ACER3: variants seen among roughly 807,000 people sequenced by gnomAD.
ACER3 encodes alkCDase 3.
Under a neutral mutation model 48.9 loss-of-function variants are expected in ACER3, and 16 were observed. The ratio of observed to expected loss-of-function variants is 0.33; its 90% CI spans 0.22 to 0.50. ACER3 has a LOEUF of 0.50. Among genes scored for constraint, ACER3 ranks in the 20% least tolerant of loss-of-function variants. ACER3 has a pLI of 0.98. For missense variants in ACER3, 227 were observed against 326.0 expected, an observed-to-expected ratio of 0.70 and a Z score of 2.34; for synonymous variants, 109 against 107.8, an observed-to-expected ratio of 1.01 and a Z score of -0.07.
At chr11:76,979,787 C>A (rs1460956567) in intron 4 of ACER3, among the ~76,000 whole-genome samples, 1 of 151,770 alleles carries the variant, frequency 6.6e-6, no homozygotes, top group Non-Finnish European at 1.5e-5. Context: ...TTGGAAGCTG[C>A]CACAGATAAT....
intron 6 of ACER3, among the ~76,000 whole-genome samples, chr11:76,992,310 A>G (rs972554754): frequency 2.0e-5 from 3 of 152,216 alleles, no homozygotes; most frequent in Non-Finnish European, 4.4e-5. Flanking sequence ...AAAAATAATG[A>G]CCACAAAAAT....
chr11:76,961,906 A>T (rs1948004266), intron 3 of ACER3, among the ~76,000 whole-genome samples: 1 of 150,502 alleles, frequency 6.6e-6, no homozygotes, highest in African/African-American at 2.5e-5. Context: ...AAGGGGAGAA[A>T]GAATACCTTT....
intron 2 of ACER3, among the ~76,000 whole-genome samples, chr11:76,930,179 C>T (rs1239539623): frequency 6.6e-6 from 1 of 152,294 alleles, no homozygotes; most frequent in East Asian, 1.9e-4. Context: ...CAGGTTCTTC[C>T]TGGTTTAGTC....
At chr11:76,863,235 A>G (rs1273340863) in intron 1 of ACER3, among the ~76,000 whole-genome samples, 1 of 152,210 alleles carries the variant, frequency 6.6e-6, no homozygotes, top group Non-Finnish European at 1.5e-5. Flanking sequence ...TACAAAAAAA[A>G]TATAAAAAAT....
intron 2 of ACER3, among the ~76,000 whole-genome samples, chr11:76,933,936 C>T (rs1274446448): frequency 3.9e-5 from 6 of 151,964 alleles, no homozygotes; most frequent in Non-Finnish European, 5.9e-5. Flanking sequence ...TTAGTCGGGG[C>T]GGCCGGGCAG....
Position 77,020,307 on chromosome 11 carries a change from G to C in ACER3, c.784G>C (p.Glu262Gln), listed in dbSNP as rs782533438. The C allele has an allele frequency of 1.2e-6, 2 of 1,613,632 alleles. No individual in the cohort carries two copies. Among genetic ancestry groups the C allele is most frequent in the Non-Finnish European group, 1.7e-6 (2 of 1,179,910 alleles). ...LFGIWPVILF[E>Q]PLRKH is the part of the protein sequence containing the mutation. ...TGGAATCTGGCCAGTGATCCTGTTT[G>C]AGCCTCTCAGGAAGCATTGATGAAT... Residue 262 changes from glutamate to glutamine, a missense_variant, in exon 11 of 11, where the codon GAG (glutamate) becomes CAG (glutamine). Physicochemically the swap from Glu to Gln is conservative, Grantham distance 29. This residue lies in a region of ACER3 where 5 missense variants were observed against 17.1 expected (regional missense o/e 0.29). Coordinates refer to ENST00000532485, the MANE Select transcript of ACER3 (RefSeq NM_018367.7).
intron 2 of ACER3, among the ~76,000 whole-genome samples, chr11:76,946,049 A>G (rs924538994): frequency 1.3e-5 from 2 of 152,152 alleles, no homozygotes; most frequent in African/African-American, 4.8e-5. Context: ...GGGGCCTGTG[A>G]CCAGGGAGGG....
chr11:76,866,492 G>A (rs1431705444), intron 1 of ACER3, among the ~76,000 whole-genome samples: 1 of 152,196 alleles, frequency 6.6e-6, no homozygotes, highest in Non-Finnish European at 1.5e-5. Flanking sequence ...ATACTGATTT[G>A]TGGACTTAAG....
rs117386679 is a variant in ACER3, at chr11:76,938,586, T to G, written c.214+11919T>G. Among the ~76,000 whole-genome samples the G allele has an allele frequency of 9.7e-3, 1,479 of 152,258 alleles. 19 individuals carry two copies. The highest frequency in any genetic ancestry group is 0.031 in the Middle Eastern group (9 of 294). Reference sequence around the variant, plus strand: ...TTCATGCTTCAGCCTCCCAATGTGTTCAGATTACAGGTGTGAGCCAGCATG... The same window carrying G: ...TTCATGCTTCAGCCTCCCAATGTGTGCAGATTACAGGTGTGAGCCAGCATG... On this transcript the variant is annotated intron_variant, in intron 2 of 10. Coordinates refer to ENST00000532485, the MANE Select transcript of ACER3 (RefSeq NM_018367.7).
intron 2 of ACER3, among the ~76,000 whole-genome samples, chr11:76,934,024 A>G (rs2134870954): frequency 6.7e-6 from 1 of 149,524 alleles, no homozygotes; most frequent in South Asian, 2.1e-4. Flanking sequence ...GGCGGGGCAG[A>G]GGCACTCCCC....
rs760844035 is a variant in ACER3 at position 76,926,589 on chromosome 11, C to T, written c.136C>T (p.Pro46Ser). 3 of 1,608,394 alleles carry T rather than the reference C, an allele frequency of 1.9e-6. No homozygotes were observed. The highest frequency in any genetic ancestry group is 2.7e-5 in the African/African-American group (2 of 74,834). ...NTVSNLIMIIPPMFGAVQSVR... is the reference protein window; with the variant it reads ...NTVSNLIMIISPMFGAVQSVR... The stretch of plus-strand genomic sequence containing the variant: ...AGTGAGTAACCTGATCATGATTATA[C>T]CTCCAATGTTCGGTGCAGTTCAGAG... The change falls in exon 2 of 11, where the codon CCT becomes TCT. Residue 46 changes from proline (P) to serine (S), a missense_variant. Transcript: ENST00000532485.
rs1454728034 is a variant in ACER3, at chr11:76,998,833, G to C, written c.497+12G>C. 6.3e-7 allele frequency: 1 copy of C among 1,580,472 alleles called. No individual in the cohort carries two copies. The highest frequency in any genetic ancestry group is 1.4e-5 in the African/African-American group (1 of 73,208). ...TATATTGTTACATGGTAAGTAGTTT[G>C]GATCATCTGCACCATGACTGAAGTA... On this transcript the variant is annotated intron_variant, in intron 7 of 10. Transcript: ENST00000532485.
intron 1 of ACER3, among the ~76,000 whole-genome samples, chr11:76,889,866 G>A (rs919312361): frequency 2.0e-5 from 3 of 148,626 alleles, no homozygotes; most frequent in African/African-American, 7.4e-5. Context: ...AATCTGCCTG[G>A]CCATTTTTGT....
intron 6 of ACER3, among the ~76,000 whole-genome samples, chr11:76,994,847 G>A (rs1323149494): frequency 1.3e-5 from 2 of 152,158 alleles, no homozygotes; most frequent in Non-Finnish European, 2.9e-5. Context: ...TAGGTCATGA[G>A]GAGCCCTTTA....
intron 7 of ACER3, among the ~76,000 whole-genome samples, chr11:77,007,033 A>G (rs1284467024): frequency 6.6e-6 from 1 of 151,290 alleles, no homozygotes; most frequent in Admixed American, 6.6e-5. Flanking sequence ...GATTGTTTGA[A>G]CCCAGGAGTT....
intron 1 of ACER3, among the ~76,000 whole-genome samples, chr11:76,913,972 G>T (rs1946455532): frequency 6.6e-6 from 1 of 152,164 alleles, no homozygotes; most frequent in Non-Finnish European, 1.5e-5. Context: ...TTAATAAATG[G>T]TGCTGGGGAA....
chr11:76,865,008 C>G (rs185433721), intron 1 of ACER3, among the ~76,000 whole-genome samples: 1 of 148,984 alleles, frequency 6.7e-6, no homozygotes, highest in East Asian at 2.0e-4. Flanking sequence ...AGGTCTCCCT[C>G]TGTTGCTTAG....
intron 7 of ACER3, among the ~76,000 whole-genome samples, chr11:77,006,739 T>G (rs1482904235): frequency 6.6e-6 from 1 of 152,182 alleles, no homozygotes; most frequent in Non-Finnish European, 1.5e-5. Flanking sequence ...AGATGTTGTT[T>G]GTCTCTCACT....
intron 1 of ACER3, among the ~76,000 whole-genome samples, chr11:76,914,902 A>G (rs1482422635): frequency 6.6e-6 from 1 of 152,212 alleles, no homozygotes; most frequent in Non-Finnish European, 1.5e-5. Flanking sequence ...TTGTAGGGAC[A>G]TGGATGAAGC....
Sources: allele counts gnomAD v4.1 joint callset (sites outside exome capture counted in the v4.1 genomes callset), GRCh38; gene constraint gnomAD v4.1.1; regional missense constraint gnomAD v4.1.1; transcripts MANE v1.5; gene names NCBI Gene and HGNC (gene_info 2026-07-23, HGNC 2026-07-21).